IPPK: variants seen among roughly 807,000 people sequenced by gnomAD.
The protein encoded by IPPK is IPK1 homolog.
Under a neutral mutation model 64.6 loss-of-function variants are expected in IPPK, and 22 were observed. The observed-to-expected ratio is 0.34, with a 90% CI of 0.24 to 0.49. The LOEUF (loss-of-function observed/expected upper bound fraction) is 0.49. Ranked by LOEUF, IPPK falls within the 20% of genes least tolerant of loss-of-function variation. The pLI, the probability that IPPK is intolerant of heterozygous loss-of-function variation, is 0.99. For missense variants in IPPK, 532 were observed against 630.7 expected, an observed-to-expected ratio of 0.84 and a Z score of 1.68; for synonymous variants, 262 against 247.2, an observed-to-expected ratio of 1.06 and a Z score of -0.56.
intron 11 of IPPK, among the ~76,000 whole-genome samples, chr9:92,622,589 A>G (rs961680980): frequency 8.0e-5 from 12 of 150,526 alleles, no homozygotes; most frequent in Non-Finnish European, 1.8e-4. Context: ...GAGAACCATA[A>G]AACATTTTTA....
intron 6 of IPPK, 146 bp from the exon 7 acceptor site, chr9:92,642,956 G>A (rs1244774591): frequency 2.4e-5 from 17 of 696,742 alleles, no homozygotes; most frequent in Non-Finnish European, 3.6e-5. Context: ...ACCTTTGCAG[G>A]TGCACATCAC....
At chr9:92,642,563 C>T (rs1238409419) in intron 7 of IPPK, among the ~76,000 whole-genome samples, 189 bp downstream of exon 7, 1 of 152,216 alleles carries the variant, frequency 6.6e-6, no homozygotes, top group Non-Finnish European at 1.5e-5. Context: ...ACTGTGAGCA[C>T]AGAGACAAGG....
Position 92,640,718 on chromosome 9 carries a change from T to C in IPPK, c.628A>G (p.Ile210Val), listed in dbSNP as rs369598917. The C allele has an allele frequency of 1.9e-6, 3 of 1,609,382 alleles. No individual in the cohort carries two copies. In the African/African-American group the frequency reaches 4.0e-5, roughly 22 times the overall value. Reference protein sequence around the residue: ...LLQEAQNNLKIFKNGELIYGC... With the variant: ...LLQEAQNNLKVFKNGELIYGC... ...ATCAAAGCAGCTCTTACCTTAAATA[T>C]CTTCAAGTTGTTCTGTGCCTCCTGC... Residue 210 changes from isoleucine (I) to valine (V), a missense_variant, in exon 8 of 13, where the codon ATA becomes GTA. Physicochemically the swap from Ile to Val is conservative, Grantham distance 29. Coordinates refer to ENST00000287996, the MANE Select transcript of IPPK (RefSeq NM_022755.6).
chr9:92,619,693 C>A (rs2296671), intron 11 of IPPK, 128 bp from the exon 12 acceptor site: 1 of 838,816 alleles, frequency 1.2e-6, no homozygotes, highest in East Asian at 2.7e-5. Context: ...GGATTAGGAG[C>A]GAGGGCCACG....
chr9:92,625,681 G>A (rs1851719980), intron 11 of IPPK, among the ~76,000 whole-genome samples: 1 of 152,184 alleles, frequency 6.6e-6, no homozygotes, highest in Non-Finnish European at 1.5e-5. Flanking sequence ...TGAAGCAACT[G>A]GGAAGGCTGA....
chr9:92,658,242 G>C (rs1309061550), intron 2 of IPPK, among the ~76,000 whole-genome samples: 1 of 152,194 alleles, frequency 6.6e-6, no homozygotes, highest in African/African-American at 2.4e-5. Flanking sequence ...GTTTAACACA[G>C]ACTGTCTACC....
chr9:92,624,713 G>A (rs1372997870), intron 11 of IPPK, among the ~76,000 whole-genome samples: 1 of 151,450 alleles, frequency 6.6e-6, no homozygotes, highest in Non-Finnish European at 1.5e-5. Flanking sequence ...GATGTTATTT[G>A]AGGACCTGCT....
chr9:92,621,366 C>T (rs1851623327), intron 11 of IPPK, among the ~76,000 whole-genome samples: 1 of 152,030 alleles, frequency 6.6e-6, no homozygotes, highest in Non-Finnish European at 1.5e-5. Context: ...TGCCAAAATT[C>T]TGAAAACATA....
intron 1 of IPPK, among the ~76,000 whole-genome samples, chr9:92,659,604 T>TG (rs1291214346): frequency 2.0e-5 from 3 of 151,896 alleles, no homozygotes; most frequent in Non-Finnish European, 2.9e-5. Context: ...AGTGCAAAGG[T>TG]GGGGGGTCCA....
intron 1 of IPPK, 132 bp from the exon 2 acceptor site, chr9:92,658,813 C>T: frequency 2.5e-6 from 2 of 811,468 alleles, no homozygotes; most frequent in Admixed American, 2.5e-5. Context: ...GCTGGGAAGC[C>T]CCCAGGGCAG....
intron 1 of IPPK, among the ~76,000 whole-genome samples, chr9:92,663,021 C>G (rs1218261447): frequency 1.3e-5 from 2 of 152,166 alleles, no homozygotes; most frequent in Non-Finnish European, 2.9e-5. Context: ...CAACGCAACA[C>G]TGGGAACACG....
chr9:92,615,016 G>A lies in IPPK; in HGVS notation c.*816C>T, dbSNP rs1363285637. On this transcript the variant is annotated 3_prime_UTR_variant, in exon 13 of 13. Transcript: ENST00000287996. ...GACACTGGAGTGTCAGGAAAGCACT[G>A]AGCTGTTGGGGCACACTGCCCAGCC... The A allele has an allele frequency of 3.3e-5, 5 of 152,224 alleles. No individual in the cohort carries two copies. The East Asian group carries it at 7.7e-4, about 23-fold the overall frequency. The allele number at this position is 152,224 out of a possible 1,614,324, so 9.4% of individuals were successfully genotyped here.
In IPPK at chr9:92,658,550, C is replaced by T. The variant is rs1168609395; in HGVS notation, c.129+84G>A. The T allele has an allele frequency of 8.2e-6, 9 of 1,100,994 alleles. No homozygotes were observed. The Admixed American group carries it at 1.4e-4, about 18-fold the overall frequency. The allele number at this position is 1,100,994 out of a possible 1,614,324, so 68.2% of individuals were successfully genotyped here. A position where few individuals can be genotyped will look rare whatever the true frequency, so the allele number is the denominator to read the frequency against. On this transcript the variant is annotated intron_variant, in intron 2 of 12. Transcript: ENST00000287996. ...TATCATCTTTGAATGCTACAACTAGCATCAATGTTTCTACATCGGAAAAAA... is the reference window on the plus strand; with the variant it reads ...TATCATCTTTGAATGCTACAACTAGTATCAATGTTTCTACATCGGAAAAAA...
At chr9:92,657,009 C>T (rs1038031244) in intron 2 of IPPK, among the ~76,000 whole-genome samples, 1 of 152,128 alleles carries the variant, frequency 6.6e-6, no homozygotes, top group South Asian at 2.1e-4. Flanking sequence ...AGAAATCACC[C>T]CCATGTCCCT....
chr9:92,634,125 A>G (rs963280913), intron 11 of IPPK, among the ~76,000 whole-genome samples: 5 of 152,342 alleles, frequency 3.3e-5, no homozygotes, highest in Admixed American at 3.3e-4. Context: ...TGGGTTGCAG[A>G]TCGGCCGCCC....
intron 8 of IPPK, among the ~76,000 whole-genome samples, chr9:92,639,125 T>C (rs912579646): frequency 1.3e-5 from 2 of 152,204 alleles, no homozygotes; most frequent in Non-Finnish European, 2.9e-5. Context: ...CAAAGCTCAC[T>C]ACAGCCTTCA....
At chr9:92,618,665 GAAC>G in intron 12 of IPPK, 1 of 423,262 alleles carries the variant, frequency 2.4e-6, no homozygotes, top group South Asian at 1.7e-5. Context: ...CAACTAAATA[GAAC>G]AACCTTTTTT....
chr9:92,661,676 G>A (rs1342096170), intron 1 of IPPK, among the ~76,000 whole-genome samples: 1 of 152,214 alleles, frequency 6.6e-6, no homozygotes, highest in Non-Finnish European at 1.5e-5. Flanking sequence ...CCATTTCAAG[G>A]GAAACTGCTT....
In IPPK at chr9:92,645,402, AAAAG is replaced by A. The variant is rs541009770; in HGVS notation, c.505-2596_505-2593del. The stretch of plus-strand genomic sequence containing the variant: ...GCAAGACCCTGTCTAAAAAGAAAAA[AAAAG>A]AAAGAAAGAAATTCTTTAGTTGAAA... On this transcript the variant is annotated intron_variant, in intron 6 of 12. Coordinates refer to ENST00000287996, the MANE Select transcript of IPPK (RefSeq NM_022755.6). Among the ~76,000 whole-genome samples, 539 of 152,278 alleles carry A rather than the reference AAAAG, an allele frequency of 3.5e-3. 1 individual carries two copies. The highest frequency in any genetic ancestry group is 6.2e-3 in the Non-Finnish European group (420 of 68,008).
Sources: gnomAD v4.1 joint callset for allele counts (sites outside exome capture counted in the v4.1 genomes callset) on GRCh38, gnomAD v4.1.1 for gene constraint, MANE v1.5 for transcripts, NCBI Gene and HGNC (gene_info 2026-07-23, HGNC 2026-07-21) for gene names.